The following GALNT13 variants were observed in gnomAD, a reference collection of about 807,000 sequenced individuals.
GALNT13 encodes UDP-GalNAc:polypeptide N-acetylgalactosaminyltransferase 13.
In GALNT13, 28 loss-of-function variants were observed where a neutral mutation model predicts 64.2. The observed-to-expected ratio is 0.44, with a 90% CI of 0.32 to 0.60. The LOEUF is 0.60. Ranked by LOEUF, GALNT13 falls within the 20% of genes least tolerant of loss-of-function variation. GALNT13 has a pLI of 0.05. For missense variants in GALNT13, 577 were observed against 669.8 expected (o/e 0.86, Z 1.53); for synonymous variants, 214 against 224.6 (o/e 0.95, Z 0.42).
the GALNT13 span, among the ~76,000 whole-genome samples, chr2:153,852,263 G>A: frequency 6.6e-6 from 1 of 152,058 alleles, no homozygotes. Flanking sequence ...ATCATGAAAC[G>A]CAACAACTGT....
At chr2:153,370,296 A>G in the GALNT13 span, among the ~76,000 whole-genome samples, 1 of 152,156 alleles carries the variant, frequency 6.6e-6, no homozygotes, top group Non-Finnish European at 1.5e-5. Context: ...AATAAAGAGG[A>G]AAGAATATTT....
At chr2:153,136,871 CACTT>C in the GALNT13 span, among the ~76,000 whole-genome samples, 1 of 151,588 alleles carries the variant, frequency 6.6e-6, no homozygotes, top group South Asian at 2.1e-4. Context: ...CACACACACA[CACTT>C]ACATCTGTGT....
chr2:153,489,176 C>T, the GALNT13 span, among the ~76,000 whole-genome samples: 9 of 152,112 alleles, frequency 5.9e-5, no homozygotes, highest in Non-Finnish European at 1.2e-4. Context: ...TTAAATAAAA[C>T]GTACACTATT....
chr2:153,719,315 T>C, the GALNT13 span, among the ~76,000 whole-genome samples: 2 of 152,220 alleles, frequency 1.3e-5, no homozygotes, highest in Non-Finnish European at 2.9e-5. Flanking sequence ...CTAAATTGTA[T>C]GTTCAACTTA....
intron 10 of GALNT13, among the ~76,000 whole-genome samples, chr2:154,406,405 T>G (rs1347959017): frequency 6.6e-6 from 1 of 152,128 alleles, no homozygotes; most frequent in Non-Finnish European, 1.5e-5. Flanking sequence ...ATGCTAAAAC[T>G]CTCATGATTC....
the GALNT13 span, among the ~76,000 whole-genome samples, chr2:153,841,773 GTATAAAATTAT>G: frequency 6.6e-6 from 1 of 152,128 alleles, no homozygotes; most frequent in Non-Finnish European, 1.5e-5. Flanking sequence ...ACTTCTGAAA[GTATAAAATTAT>G]TATAAGGTCC....
chr2:154,316,615 A>G (rs1339701546), intron 9 of GALNT13, among the ~76,000 whole-genome samples: 2 of 152,170 alleles, frequency 1.3e-5, no homozygotes, highest in African/African-American at 2.4e-5. Context: ...GATTATGGGA[A>G]GTCCAAAAGC....
the GALNT13 span, among the ~76,000 whole-genome samples, chr2:153,134,560 A>G: frequency 2.6e-5 from 4 of 152,180 alleles, no homozygotes; most frequent in Non-Finnish European, 5.9e-5. Flanking sequence ...GCCTTGGGCA[A>G]AACTGAGAAA....
At chr2:154,141,126 T>G (rs1179209580) in intron 4 of GALNT13, among the ~76,000 whole-genome samples, 1 of 152,082 alleles carries the variant, frequency 6.6e-6, no homozygotes, top group Non-Finnish European at 1.5e-5. Flanking sequence ...CTTGTATAGG[T>G]CATGTAACAT....
chr2:153,681,401 T>C, the GALNT13 span, among the ~76,000 whole-genome samples: 4 of 151,978 alleles, frequency 2.6e-5, no homozygotes, highest in East Asian at 5.8e-4. Context: ...ACAAGAAATC[T>C]AATCTTTTCT....
the GALNT13 span, among the ~76,000 whole-genome samples, chr2:153,734,541 T>C: frequency 2.0e-5 from 3 of 152,252 alleles, no homozygotes; most frequent in South Asian, 2.1e-4. Context: ...TTATTCAGTG[T>C]TATGCATTTA....
At chr2:153,897,049 A>G (rs1488419338) in intron 1 of GALNT13, among the ~76,000 whole-genome samples, 1 of 152,124 alleles carries the variant, frequency 6.6e-6, no homozygotes, top group African/African-American at 2.4e-5. Context: ...GCACACGTGT[A>G]GACACACCAC....
At chr2:153,398,990 T>C in the GALNT13 span, among the ~76,000 whole-genome samples, 6 of 117,710 alleles carry the variant, frequency 5.1e-5, no homozygotes, top group Admixed American at 2.9e-4. Flanking sequence ...GGACATGAAG[T>C]CCTTGCCCAT....
At chr2:153,356,787 C>CT in the GALNT13 span, among the ~76,000 whole-genome samples, 2 of 53,814 alleles carry the variant, frequency 3.7e-5, no homozygotes, top group East Asian at 3.6e-4. Context: ...TTTCTTCTTC[C>CT]TCTTTTTTTT....
At chr2:153,988,423 CTT>C (rs930481239) in intron 3 of GALNT13, among the ~76,000 whole-genome samples, 1 of 151,958 alleles carries the variant, frequency 6.6e-6, no homozygotes. Context: ...ACAATGCAGT[CTT>C]TGTCTTTTTG....
the GALNT13 span, among the ~76,000 whole-genome samples, chr2:153,498,052 G>A: frequency 6.6e-6 from 1 of 152,164 alleles, no homozygotes; most frequent in Non-Finnish European, 1.5e-5. Context: ...AAATGTGCCT[G>A]GAGATTATTT....
At chr2:153,657,794 A>C in the GALNT13 span, among the ~76,000 whole-genome samples, 1 of 152,178 alleles carries the variant, frequency 6.6e-6, no homozygotes, top group African/African-American at 2.4e-5. Flanking sequence ...ACAACTTGGC[A>C]GATTTCACTA....
the GALNT13 span, among the ~76,000 whole-genome samples, chr2:153,155,876 A>G: frequency 6.6e-6 from 1 of 152,186 alleles, no homozygotes; most frequent in South Asian, 2.1e-4. Context: ...ATTTAATGCT[A>G]TAAATTTCCC....
chr2:154,344,007 C>T (rs1226777341), intron 9 of GALNT13, among the ~76,000 whole-genome samples: 1 of 151,806 alleles, frequency 6.6e-6, no homozygotes, highest in Non-Finnish European at 1.5e-5. Flanking sequence ...AATATGAATA[C>T]AGCTCAAAAG....
Sources: gnomAD v4.1 joint callset for allele counts (sites outside exome capture counted in the v4.1 genomes callset) on GRCh38, gnomAD v4.1.1 for gene constraint, MANE v1.5 for transcripts, NCBI Gene and HGNC (gene_info 2026-07-23, HGNC 2026-07-21) for gene names.